Variants in NOX4 observed in about 807,000 individuals in gnomAD.
The protein encoded by NOX4 is NADPH oxidase 4.
A neutral mutation model predicts 87.6 loss-of-function variants in NOX4; 69 were observed. The ratio of observed to expected loss-of-function variants is 0.79; its 90% CI spans 0.65 to 0.96. The LOEUF is 0.96. Among genes scored for constraint, NOX4 ranks in the 40% least tolerant of loss-of-function variants. The probability of loss-of-function intolerance (pLI) is 0.00; values close to 1 mark genes in which losing one functional copy is unlikely to be tolerated. For missense variants in NOX4, 680 were observed against 681.5 expected (o/e 1.00, Z 0.02); for synonymous variants, 275 against 238.2 (o/e 1.15, Z -1.42).
chr11:89,568,808 T>C, the NOX4 span, among the ~76,000 whole-genome samples: 2 of 152,086 alleles, frequency 1.3e-5, no homozygotes, highest in African/African-American at 4.8e-5. Flanking sequence ...GGTACAAGTA[T>C]AAAAACAGAC....
chr11:89,565,080 T>C, the NOX4 span, among the ~76,000 whole-genome samples: 1 of 152,160 alleles, frequency 6.6e-6, no homozygotes, highest in Admixed American at 6.5e-5. Context: ...AGTGAACATA[T>C]AGCTCAATTT....
At chr11:89,438,690 T>G (rs1944242091) in intron 6 of NOX4, among the ~76,000 whole-genome samples, 1 of 77,350 alleles carries the variant, frequency 1.3e-5, no homozygotes, top group South Asian at 4.2e-4. Flanking sequence ...ATACTATAAA[T>G]AATATATAAT....
At chr11:89,358,176 G>A (rs1938218956) in intron 12 of NOX4, among the ~76,000 whole-genome samples, 1 of 152,046 alleles carries the variant, frequency 6.6e-6, no homozygotes, top group East Asian at 1.9e-4. Context: ...CCTGAGTTCA[G>A]GAGTTTGAGA....
At chr11:89,560,357 T>C in the NOX4 span, among the ~76,000 whole-genome samples, 1 of 152,136 alleles carries the variant, frequency 6.6e-6, no homozygotes, top group African/African-American at 2.4e-5. Context: ...CTGGCACCTT[T>C]GATTTTTTAG....
the NOX4 span, among the ~76,000 whole-genome samples, chr11:89,531,650 A>C: frequency 6.6e-6 from 1 of 152,186 alleles, no homozygotes; most frequent in African/African-American, 2.4e-5. Flanking sequence ...CTGATGGTTT[A>C]AAAGTTTATG....
upstream of NOX4, among the ~76,000 whole-genome samples, chr11:89,494,910 G>C (rs1946932071): frequency 6.6e-6 from 1 of 152,034 alleles, no homozygotes; most frequent in South Asian, 2.1e-4. Flanking sequence ...CAGTATTATT[G>C]GTTCAAAATC....
At chr11:89,441,947 C>CTATA (rs5793404) in intron 5 of NOX4, among the ~76,000 whole-genome samples, 1,885 of 137,942 alleles carry the variant, frequency 0.014, 34 homozygotes, top group African/African-American at 0.043. Context: ...TATGTGTTGA[C>CTATA]TATATATATA....
At chr11:89,525,982 C>T in the NOX4 span, among the ~76,000 whole-genome samples, 3 of 152,190 alleles carry the variant, frequency 2.0e-5, no homozygotes, top group South Asian at 6.2e-4. Flanking sequence ...TTTCTCCATT[C>T]AGTTACATTT....
At chr11:89,349,213 G>C (rs1946345445) in intron 13 of NOX4, among the ~76,000 whole-genome samples, 1 of 151,918 alleles carries the variant, frequency 6.6e-6, no homozygotes, top group African/African-American at 2.4e-5. Flanking sequence ...CTTGAACCCG[G>C]GAGGCAGAGC....
intron 12 of NOX4, among the ~76,000 whole-genome samples, chr11:89,366,812 G>A (rs1215115434): frequency 1.3e-5 from 2 of 151,780 alleles, no homozygotes; most frequent in Admixed American, 6.6e-5. Context: ...CTTAATGACT[G>A]GTGAATTCTT....
chr11:89,499,179 C>T (rs1946991769), upstream of NOX4: 1 of 152,132 alleles, frequency 6.6e-6, no homozygotes, highest in South Asian at 2.1e-4. Flanking sequence ...TGCAAGCAGT[C>T]CACTTTGTAG....
intron 11 of NOX4, among the ~76,000 whole-genome samples, chr11:89,389,881 C>A (rs1207052386): frequency 2.6e-5 from 4 of 152,110 alleles, no homozygotes; most frequent in Non-Finnish European, 5.9e-5. Flanking sequence ...GAGCCACATT[C>A]TTTTCTGTGT....
chr11:89,376,065 A>T (rs149219362), intron 11 of NOX4, among the ~76,000 whole-genome samples: 104 of 152,366 alleles, frequency 6.8e-4, no homozygotes, highest in Non-Finnish European at 1.0e-3. Context: ...ACTGGGTCTC[A>T]TAGGAAACTG....
chr11:89,384,783 G>T (rs1253150410), intron 11 of NOX4, among the ~76,000 whole-genome samples: 2 of 152,176 alleles, frequency 1.3e-5, no homozygotes, highest in East Asian at 3.9e-4. Flanking sequence ...AGCTGGGACC[G>T]CACCCTGTAG....
chr11:89,421,656 G>A (rs16913223), intron 8 of NOX4, among the ~76,000 whole-genome samples: 5,267 of 152,218 alleles, frequency 0.035, 319 homozygotes, highest in African/African-American at 0.12. Flanking sequence ...TTTAGAAACT[G>A]AAAGGTTGTT....
intron 13 of NOX4, among the ~76,000 whole-genome samples, chr11:89,353,390 C>T (rs1285943088): frequency 1.3e-5 from 2 of 152,154 alleles, no homozygotes; most frequent in Non-Finnish European, 2.9e-5. Context: ...CAACCATCAA[C>T]ATCGAGGAAA....
intron 2 of NOX4, among the ~76,000 whole-genome samples, chr11:89,479,231 A>C (rs1370340725): frequency 6.6e-5 from 10 of 152,178 alleles, no homozygotes; most frequent in Admixed American, 6.5e-4. Context: ...CACGTAAAGG[A>C]AGACATATTG....
chr11:89,564,285 C>T, the NOX4 span, among the ~76,000 whole-genome samples: 1 of 152,056 alleles, frequency 6.6e-6, no homozygotes, highest in Non-Finnish European at 1.5e-5. Flanking sequence ...CTGGGGAGGC[C>T]TCAGGAAAAT....
At chr11:89,482,063 G>A (rs1270038161) in intron 2 of NOX4, among the ~76,000 whole-genome samples, 1 of 151,978 alleles carries the variant, frequency 6.6e-6, no homozygotes, top group African/African-American at 2.4e-5. Flanking sequence ...TAATTTATCT[G>A]ATTTTCTTCT....
Sources: gnomAD v4.1 joint callset for allele counts (sites outside exome capture counted in the v4.1 genomes callset) on GRCh38, gnomAD v4.1.1 for gene constraint, MANE v1.5 for transcripts, NCBI Gene and HGNC (gene_info 2026-07-23, HGNC 2026-07-21) for gene names.